The following HIF1A variants were observed in gnomAD, a reference collection of about 807,000 sequenced individuals.
HIF1A encodes the protein hypoxia-inducible factor 1-alpha.
Under a neutral mutation model 92.7 loss-of-function variants are expected in HIF1A, and 24 were observed. The observed-to-expected ratio is 0.26, with a 90% CI of 0.19 to 0.36. The LOEUF (loss-of-function observed/expected upper bound fraction) is 0.36. Among genes scored for constraint, HIF1A ranks in the 10% least tolerant of loss-of-function variants. The pLI is 1.00. For synonymous variants in HIF1A, 319 were observed against 338.7 expected, an observed-to-expected ratio of 0.94 and a Z score of 0.64; for missense variants, 799 against 998.5, an observed-to-expected ratio of 0.80 and a Z score of 2.69.
At chr14:61,718,123 TG>T (rs1023796002) in intron 1 of HIF1A, among the ~76,000 whole-genome samples, 3 of 151,970 alleles carry the variant, frequency 2.0e-5, no homozygotes, top group African/African-American at 7.3e-5. Context: ...ATCAGTTGAG[TG>T]GTTCAGAAAA....
chr14:61,745,760 T>C lies in HIF1A; in HGVS notation c.2272T>C (p.Cys758Arg). The change falls in exon 14 of 15, where the codon TGC becomes CGC. Residue 758 changes from cysteine to arginine, a missense_variant. This residue lies in a region of HIF1A where 283 missense variants were observed against 277.5 expected (regional missense o/e 1.02). Coordinates refer to ENST00000337138, the MANE Select transcript of HIF1A (RefSeq NM_001530.4). ...TSLSWKRVKG[C>R]KSSEQNGMEQ... is the part of the protein sequence containing the mutation. ...ACTTTCTTGGAAACGTGTAAAAGGATGCAAATCTAGTGAACAGAATGGAAT... is the reference window on the plus strand; with the variant it reads ...ACTTTCTTGGAAACGTGTAAAAGGACGCAAATCTAGTGAACAGAATGGAAT... The C allele has an allele frequency of 1.2e-6, 2 of 1,612,182 alleles. No individual in the cohort carries two copies. The highest frequency in any genetic ancestry group is 1.7e-6 in the Non-Finnish European group (2 of 1,178,242).
intron 8 of HIF1A, 40 bp from the exon 9 acceptor site, chr14:61,736,849 G>A (rs1226543781): frequency 7.2e-7 from 1 of 1,380,182 alleles, no homozygotes; most frequent in Admixed American, 1.7e-5. Context: ...ACTGTATCAA[G>A]TGCTCATTTG....
intron 8 of HIF1A, among the ~76,000 whole-genome samples, chr14:61,736,631 A>G (rs937178229): frequency 6.6e-6 from 1 of 152,206 alleles, no homozygotes; most frequent in African/African-American, 2.4e-5. Context: ...CTCTGGATGC[A>G]TCCATGTTGC....
intron 13 of HIF1A, among the ~76,000 whole-genome samples, chr14:61,745,234 C>T (rs1268482673): frequency 6.6e-6 from 1 of 152,104 alleles, no homozygotes; most frequent in East Asian, 1.9e-4. Flanking sequence ...ACCAGCCTGG[C>T]CAACTTGGTG....
chr14:61,728,817 A>G (rs1034275631), intron 6 of HIF1A, among the ~76,000 whole-genome samples: 1 of 152,206 alleles, frequency 6.6e-6, no homozygotes, highest in Non-Finnish European at 1.5e-5. Context: ...GTTGCCAGAA[A>G]GTGGGTGTCC....
intron 2 of HIF1A, among the ~76,000 whole-genome samples, chr14:61,721,012 C>T (rs964378352): frequency 3.3e-5 from 5 of 151,916 alleles, no homozygotes; most frequent in Non-Finnish European, 7.4e-5. Context: ...GATGCTGAGG[C>T]GGGTGGATCA....
chr14:61,746,792 C>T lies in HIF1A; in HGVS notation c.2330-142C>T, dbSNP rs373963545. On this transcript the variant is annotated intron_variant, in intron 14 of 14. Transcript: ENST00000337138. ...TCACTGGATTATACTTACTTTTTAA[C>T]ATAGTTGTGGTTTTGCCAGGTAAAC... 15 of 587,068 alleles carry T rather than the reference C, an allele frequency of 2.6e-5. No individual in the cohort carries two copies. In the South Asian group the frequency reaches 3.5e-4, roughly 14 times the overall value. 36.4% of individuals were successfully genotyped at this position (587,068 alleles called of 1,614,324 possible). A position where few individuals can be genotyped will look rare whatever the true frequency, so the allele number is the denominator to read the frequency against.
At chr14:61,745,444 T>G (rs760510172) in intron 13 of HIF1A, 12 of 464,130 alleles carry the variant, frequency 2.6e-5, no homozygotes, top group Middle Eastern at 6.2e-4. Context: ...AGAACTGCTA[T>G]GTTTTGGGGT....
At chr14:61,704,175 G>C (rs2044209300) in intron 1 of HIF1A, among the ~76,000 whole-genome samples, 2 of 152,266 alleles carry the variant, frequency 1.3e-5, no homozygotes, top group African/African-American at 4.8e-5. Context: ...TAATTAAGTA[G>C]AAACTATCCA....
At chr14:61,695,904 GCTCCTGGGCCGGC>G in intron 1 of HIF1A, 65 bp downstream of exon 1, 1 of 1,462,064 alleles carries the variant, frequency 6.8e-7, no homozygotes, top group East Asian at 2.5e-5. Context: ...CCCGCCCTGG[GCTCCTGGGCCGGC>G]CTCGGCGTTA....
intron 2 of HIF1A, among the ~76,000 whole-genome samples, chr14:61,721,172 C>A (rs941219876): frequency 6.6e-6 from 1 of 152,074 alleles, no homozygotes; most frequent in Non-Finnish European, 1.5e-5. Context: ...ACTCAGAGGG[C>A]GGAGCTTGCA....
rs137993925 is a variant in HIF1A at position 61,720,616 on chromosome 14, G to T, written c.226+44G>T. On this transcript the variant is annotated intron_variant, in intron 2 of 14. Coordinates refer to ENST00000337138, the MANE Select transcript of HIF1A (RefSeq NM_001530.4). ...GTATAAATAGGCCTGAAAATTAGAA[G>T]TTAGAAGTAAATAGAAATTATTTTT... 1.3e-3 allele frequency: 1,636 copies of T among 1,218,896 alleles called. 22 individuals are homozygous for T. The African/African-American group carries it at 0.02, about 15-fold the overall frequency. 75.5% of individuals were successfully genotyped at this position (1,218,896 alleles called of 1,614,324 possible). A position where few individuals can be genotyped will look rare whatever the true frequency, so the allele number is the denominator to read the frequency against.
At chr14:61,710,614 T>C (rs1467185588) in intron 1 of HIF1A, among the ~76,000 whole-genome samples, 1 of 152,202 alleles carries the variant, frequency 6.6e-6, no homozygotes, top group Non-Finnish European at 1.5e-5. Flanking sequence ...ATTTTTTCCA[T>C]TAAGTAGAGA....
At chr14:61,743,670 C>A (rs745325283) in intron 12 of HIF1A, among the ~76,000 whole-genome samples, 1 of 152,148 alleles carries the variant, frequency 6.6e-6, no homozygotes, top group Admixed American at 6.5e-5. Flanking sequence ...CAGCAAGGAG[C>A]CATTATGATT....
At chr14:61,736,162 T>A (rs2044634855) in intron 8 of HIF1A, among the ~76,000 whole-genome samples, 1 of 151,922 alleles carries the variant, frequency 6.6e-6, no homozygotes, top group African/African-American at 2.4e-5. Flanking sequence ...GTATTTTTAG[T>A]AGAGACAGGG....
intron 7 of HIF1A, among the ~76,000 whole-genome samples, 183 bp downstream of exon 7, chr14:61,732,707 T>C (rs1244629716): frequency 6.6e-6 from 1 of 152,230 alleles, no homozygotes; most frequent in Non-Finnish European, 1.5e-5. Flanking sequence ...TCAGTAAAAA[T>C]AGAATCATTT....
intron 1 of HIF1A, among the ~76,000 whole-genome samples, chr14:61,699,273 C>T (rs1594853936): frequency 6.6e-6 from 1 of 152,154 alleles, no homozygotes; most frequent in Admixed American, 6.5e-5. Context: ...CTGCAGAGCA[C>T]CTTGTGCAGT....
At chr14:61,739,350 T>A (rs1354820676) in intron 10 of HIF1A, among the ~76,000 whole-genome samples, 2 of 152,176 alleles carry the variant, frequency 1.3e-5, no homozygotes, top group Non-Finnish European at 2.9e-5. Context: ...AAATCTAGAA[T>A]GATTCCATTT....
chr14:61,715,887 G>A (rs763644913), intron 1 of HIF1A: 1 of 152,186 alleles, frequency 6.6e-6, no homozygotes, highest in Non-Finnish European at 1.5e-5. Flanking sequence ...AGCTACTTGG[G>A]AGGCTGAGGT....
Sources: allele counts gnomAD v4.1 joint callset (sites outside exome capture counted in the v4.1 genomes callset), GRCh38; gene constraint gnomAD v4.1.1; regional missense constraint gnomAD v4.1.1; transcripts MANE v1.5; gene names NCBI Gene and HGNC (gene_info 2026-07-23, HGNC 2026-07-21).